Variants in ABI3BP observed in about 807,000 individuals in gnomAD.
The protein encoded by ABI3BP is target of Nesh-SH3.
In ABI3BP, 216 loss-of-function variants were observed where a neutral mutation model predicts 268.6. The observed-to-expected ratio is 0.80, with a 90% CI of 0.72 to 0.90. ABI3BP has a LOEUF of 0.90. Among genes scored for constraint, ABI3BP ranks in the 40% least tolerant of loss-of-function variants. The probability of loss-of-function intolerance (pLI) is 0.00; values close to 1 mark genes in which losing one functional copy is unlikely to be tolerated. For missense variants in ABI3BP, 2,090 were observed against 2,182.4 expected (o/e 0.96, Z 0.84); for synonymous variants, 730 against 730.0 (o/e 1.00, Z 0.00).
intron 27 of ABI3BP, among the ~76,000 whole-genome samples, chr3:100,836,011 T>G (rs2098580369): frequency 6.6e-6 from 1 of 152,212 alleles, no homozygotes; most frequent in Non-Finnish European, 1.5e-5. Context: ...TAAAAAGTTT[T>G]CACCACCATT....
chr3:100,770,281 T>A (rs948814968), intron 62 of ABI3BP, among the ~76,000 whole-genome samples: 3 of 152,156 alleles, frequency 2.0e-5, no homozygotes, highest in Non-Finnish European at 4.4e-5. Context: ...AGAATAAAAA[T>A]TTCTTAAGAT....
chr3:100,849,307 C>A (rs2098812341), intron 17 of ABI3BP, among the ~76,000 whole-genome samples: 1 of 145,136 alleles, frequency 6.9e-6, no homozygotes, highest in Non-Finnish European at 1.5e-5. Context: ...CTCACTGTAA[C>A]CTTGGTTTCC....
intron 1 of ABI3BP, among the ~76,000 whole-genome samples, chr3:100,988,542 T>A (rs540678134): frequency 6.6e-6 from 1 of 152,332 alleles, no homozygotes; most frequent in African/African-American, 2.4e-5. Context: ...TCTCAACTTG[T>A]GTTTGTACTC....
At chr3:100,864,242 T>G in intron 11 of ABI3BP, 166 bp from the exon 12 acceptor site, 3 of 616,498 alleles carry the variant, frequency 4.9e-6, no homozygotes, top group Non-Finnish European at 5.8e-6. Flanking sequence ...GCTGTTAAAA[T>G]ATGAAGGTGT....
chr3:100,977,279 T>A (rs1264483862), intron 1 of ABI3BP, among the ~76,000 whole-genome samples: 1 of 152,244 alleles, frequency 6.6e-6, no homozygotes, highest in African/African-American at 2.4e-5. Context: ...TCTATTGCTA[T>A]ATAATAAATT....
chr3:100,964,126 G>T (rs1370961393), intron 1 of ABI3BP, among the ~76,000 whole-genome samples: 1 of 152,180 alleles, frequency 6.6e-6, no homozygotes, highest in East Asian at 1.9e-4. Flanking sequence ...GCAAAAAGGA[G>T]CCTGCAAGGT....
intron 59 of ABI3BP, among the ~76,000 whole-genome samples, chr3:100,776,706 A>G (rs2096715867): frequency 6.6e-6 from 1 of 152,140 alleles, no homozygotes; most frequent in Admixed American, 6.5e-5. Flanking sequence ...TGAATGGTGG[A>G]GGGTGAGGGT....
At chr3:100,919,710 A>G (rs1314269623) in intron 2 of ABI3BP, among the ~76,000 whole-genome samples, 1 of 152,238 alleles carries the variant, frequency 6.6e-6, no homozygotes, top group Non-Finnish European at 1.5e-5. Flanking sequence ...AGCGTCATGC[A>G]CTTATTTTTA....
chr3:100,914,446 A>G, intron 2 of ABI3BP: 1 of 455,786 alleles, frequency 2.2e-6, no homozygotes, highest in Non-Finnish European at 4.4e-6. Flanking sequence ...AGCCAGCCGT[A>G]CCACAGAACA....
intron 4 of ABI3BP, 60 bp downstream of exon 4, chr3:100,898,702 A>C (rs1470097409): frequency 1.3e-6 from 2 of 1,552,088 alleles, no homozygotes; most frequent in East Asian, 4.6e-5. Flanking sequence ...AACAGTCCTG[A>C]TACTTACATA....
chr3:100,749,821 AC>A lies in ABI3BP; in HGVS notation c.*673del. 2.5e-6 allele frequency: 1 copy of A among 397,462 alleles called. No individual in the cohort carries two copies. Among genetic ancestry groups the A allele is most frequent in the South Asian group, 1.3e-4 (1 of 7,712 alleles). The allele number at this position is 397,462 out of a possible 1,614,324, so 24.6% of individuals were successfully genotyped here. A position where few individuals can be genotyped will look rare whatever the true frequency, so the allele number is the denominator to read the frequency against. ...GGTGGGTAAAAATGTATCTTTTGAA[AC>A]AATATATTAGACTCCATTTTTAGCT... is the stretch of plus-strand genomic sequence containing the variant. On this transcript the variant is annotated 3_prime_UTR_variant, in exon 68 of 68. Transcript: ENST00000471714.
intron 46 of ABI3BP, 112 bp downstream of exon 46, chr3:100,812,355 G>T: frequency 1.6e-6 from 1 of 622,402 alleles, no homozygotes; most frequent in East Asian, 3.4e-5. Context: ...CAGACAAGCT[G>T]TGAGGAGCAA....
In ABI3BP at chr3:100,864,153, G is replaced by A. The variant is rs978322753; in HGVS notation, c.1064-77C>T. Reference sequence around the variant, plus strand: ...TGTGGCTTAACCATGATCATGCACAGCAAGCTTTGTAACAGACTCTTGCAC... The same window carrying A: ...TGTGGCTTAACCATGATCATGCACAACAAGCTTTGTAACAGACTCTTGCAC... On this transcript the variant is annotated intron_variant, in intron 11 of 67. Transcript: ENST00000471714. 3 of 934,814 alleles carry A rather than the reference G, an allele frequency of 3.2e-6. No homozygotes were observed. In the East Asian group the frequency reaches 7.9e-5, roughly 24 times the overall value. 57.9% of individuals were successfully genotyped at this position (934,814 alleles called of 1,614,324 possible).
intron 4 of ABI3BP, among the ~76,000 whole-genome samples, chr3:100,891,249 C>T (rs559831397): frequency 4.6e-5 from 7 of 152,258 alleles, no homozygotes; most frequent in Non-Finnish European, 5.9e-5. Context: ...CTCCTTTCTT[C>T]GTATAGTATC....
chr3:100,787,741 A>G lies in ABI3BP; in HGVS notation c.4149T>C (p.Asn1383=). ...TGTGATTATTACCTGTTCCCACTCCATTCCCACTGGGCATCCCACTGGGTT... is the reference window on the plus strand; with the variant it reads ...TGTGATTATTACCTGTTCCCACTCCGTTCCCACTGGGCATCCCACTGGGTT... ...RPKPSGMPSG[N]GVGTGVKQAP... is the part of the protein sequence containing the mutation. Residue 1383 remains asparagine, a synonymous_variant, in exon 57 of 68, where the codon AAT becomes AAC. Transcript: ENST00000471714. 6.5e-7 allele frequency: 1 copy of G among 1,532,210 alleles called. No individual in the cohort carries two copies. The highest frequency in any genetic ancestry group is 8.7e-7 in the Non-Finnish European group (1 of 1,144,896). The allele number at this position is 1,532,210 out of a possible 1,614,324, so 94.9% of individuals were successfully genotyped here.
chr3:100,878,307 T>C (rs529450029), intron 6 of ABI3BP, among the ~76,000 whole-genome samples: 41 of 151,636 alleles, frequency 2.7e-4, no homozygotes, highest in African/African-American at 8.9e-4. Flanking sequence ...CAGAGGGAAA[T>C]AAATCACTGT....
intron 2 of ABI3BP, chr3:100,912,308 A>G (rs1453989561): frequency 2.0e-5 from 3 of 150,830 alleles, no homozygotes; most frequent in African/African-American, 7.6e-5. Flanking sequence ...AAAAAAACAG[A>G]CAACATAAAA....
chr3:100,953,921 G>A (rs904878039), intron 1 of ABI3BP, among the ~76,000 whole-genome samples: 3 of 152,146 alleles, frequency 2.0e-5, no homozygotes, highest in African/African-American at 7.2e-5. Context: ...ATAGATACTT[G>A]GAAACTCGGA....
At chr3:100,864,786 G>A (rs371128898) in intron 11 of ABI3BP, 47 bp downstream of exon 11, 119 of 1,407,516 alleles carry the variant, frequency 8.5e-5, no homozygotes, top group East Asian at 1.4e-4. Context: ...GAGTTATTTC[G>A]TTGTTACTTT....
Sources: gnomAD v4.1 joint callset for allele counts (sites outside exome capture counted in the v4.1 genomes callset) on GRCh38, gnomAD v4.1.1 for gene constraint, MANE v1.5 for transcripts, NCBI Gene and HGNC (gene_info 2026-07-23, HGNC 2026-07-21) for gene names.